TNRC6A: variants seen among roughly 807,000 people sequenced by gnomAD.
The protein encoded by TNRC6A is trinucleotide repeat-containing gene 6A protein.
A neutral mutation model predicts 221.2 loss-of-function variants in TNRC6A; 44 were observed. That is an observed-to-expected ratio of 0.20 (90% CI 0.16 to 0.26). TNRC6A has a LOEUF of 0.26. TNRC6A is among the 10% of genes least tolerant of loss of function. The pLI is 1.00. For missense variants in TNRC6A, 2,199 were observed against 2,404.4 expected (o/e 0.91, Z 1.79); for synonymous variants, 847 against 838.5 (o/e 1.01, Z -0.18).
At chr16:24,616,525 G>T (rs1900359802) in intron 1 of TNRC6A, among the ~76,000 whole-genome samples, 1 of 151,988 alleles carries the variant, frequency 6.6e-6, no homozygotes. Flanking sequence ...TTTCTATCTT[G>T]ACAACAGTCA....
chr16:24,643,157 T>A (rs1337081597), intron 2 of TNRC6A, among the ~76,000 whole-genome samples: 1 of 144,432 alleles, frequency 6.9e-6, no homozygotes, highest in East Asian at 2.0e-4. Context: ...ATCCCATTCA[T>A]GGGAACCCCA....
At chr16:24,735,471 A>G (rs889759539) in intron 2 of TNRC6A, among the ~76,000 whole-genome samples, 16 of 152,210 alleles carry the variant, frequency 1.1e-4, no homozygotes, top group African/African-American at 2.7e-4. Flanking sequence ...GCATATTGCT[A>G]TAGGTTGGTG....
Position 24,806,292 on chromosome 16 carries a change from C to T in TNRC6A, c.4329+9C>T, listed in dbSNP as rs376405412. On this transcript the variant is annotated intron_variant, in intron 16 of 24. Transcript: ENST00000395799. ...CGCAGCAAGACCAGCAGGTAGAGCC[C>T]GCCCTGCAACTCGCAATGCTGTCTT... 16 of 1,613,796 alleles carry T rather than the reference C, an allele frequency of 9.9e-6. No individual in the cohort carries two copies. The highest frequency in any genetic ancestry group is 4.4e-5 in the South Asian group (4 of 91,072).
chr16:24,731,141 C>A (rs2056630312), intron 2 of TNRC6A, among the ~76,000 whole-genome samples: 1 of 152,004 alleles, frequency 6.6e-6, no homozygotes, highest in Non-Finnish European at 1.5e-5. Context: ...TCTTTTGCAT[C>A]ATATTGGGAC....
In TNRC6A at chr16:24,823,672, C is replaced by T; in HGVS notation, c.5754C>T (p.Leu1918=). 4 of 1,611,228 alleles carry T rather than the reference C, an allele frequency of 2.5e-6. No individual in the cohort carries two copies. Among genetic ancestry groups the T allele is most frequent in the East Asian group, 4.5e-5 (2 of 44,758 alleles). The change falls in exon 25 of 25, where the codon CTC becomes CTT. Residue 1918 remains leucine (L), a synonymous_variant. Coordinates refer to ENST00000395799, the MANE Select transcript of TNRC6A (RefSeq NM_014494.4). This position sits in a 1 kb window ranked among gnomAD's most constrained non-coding sequence, Gnocchi z 4.3. ...TNCGDLHGTS[L]WGTPHYSTSL... ...GTGGAGACCTTCACGGCACTTCACTCTGGGGGACCCCGCATTATTCCACAA... is the reference window on the plus strand; with the variant it reads ...GTGGAGACCTTCACGGCACTTCACTTTGGGGGACCCCGCATTATTCCACAA...
At chr16:24,686,442 G>A in intron 2 of TNRC6A, among the ~76,000 whole-genome samples, 1 of 151,962 alleles carries the variant, frequency 6.6e-6, no homozygotes, top group East Asian at 1.9e-4. Flanking sequence ...GTTTCTTCTT[G>A]AGGCTGCAGA....
At chr16:24,813,932 C>A (rs1414044527) in intron 18 of TNRC6A, among the ~76,000 whole-genome samples, 1 of 152,172 alleles carries the variant, frequency 6.6e-6, no homozygotes, top group Non-Finnish European at 1.5e-5. Context: ...TGAAATGTGG[C>A]AGTTATGCTT....
intron 2 of TNRC6A, among the ~76,000 whole-genome samples, chr16:24,716,897 C>A (rs1409169236): frequency 7.4e-6 from 1 of 135,180 alleles, no homozygotes; most frequent in Non-Finnish European, 1.5e-5. Context: ...GCAGAGGTTG[C>A]GGTGAGCCAA....
chr16:24,686,141 G>T (rs965741946), intron 2 of TNRC6A, among the ~76,000 whole-genome samples: 2 of 152,140 alleles, frequency 1.3e-5, no homozygotes, highest in Non-Finnish European at 2.9e-5. Context: ...GTCTGGAAGG[G>T]CCTCTCCGGT....
intron 2 of TNRC6A, among the ~76,000 whole-genome samples, chr16:24,742,825 G>T (rs751824891): frequency 1.3e-5 from 2 of 152,110 alleles, no homozygotes; most frequent in African/African-American, 2.4e-5. Flanking sequence ...CAGGAGTATT[G>T]TACAAGTAGG....
At chr16:24,672,408 G>C (rs1053342081) in intron 2 of TNRC6A, among the ~76,000 whole-genome samples, 2 of 151,652 alleles carry the variant, frequency 1.3e-5, no homozygotes, top group African/African-American at 4.8e-5. Context: ...GATTACAGGC[G>C]TGAGCCACCG....
intron 2 of TNRC6A, among the ~76,000 whole-genome samples, chr16:24,714,648 A>G (rs948725278): frequency 3.9e-5 from 6 of 152,054 alleles, no homozygotes; most frequent in African/African-American, 1.2e-4. Context: ...CTTCTCAGAC[A>G]TTGTAGTTTT....
At position 24,824,468 on chromosome 16, in the gene TNRC6A, T is replaced by G. The variant is rs2058834284; in HGVS notation, c.*661T>G. 6.6e-6 allele frequency: 1 copy of G among 152,624 alleles called. No individual in the cohort carries two copies. Among genetic ancestry groups the G allele is most frequent in the Non-Finnish European group, 1.5e-5 (1 of 68,028 alleles). The allele number at this position is 152,624 out of a possible 1,614,324, so 9.5% of individuals were successfully genotyped here. A position where few individuals can be genotyped will look rare whatever the true frequency, so the allele number is the denominator to read the frequency against. Reference sequence around the variant, plus strand: ...AAAAACTGTGGCCACAGCTGTGACTTGCAGCCCACCTGCCACCCAGGACGG... The same window carrying G: ...AAAAACTGTGGCCACAGCTGTGACTGGCAGCCCACCTGCCACCCAGGACGG... On this transcript the variant is annotated 3_prime_UTR_variant, in exon 25 of 25. Transcript: ENST00000395799.
intron 2 of TNRC6A, among the ~76,000 whole-genome samples, chr16:24,645,796 G>A (rs938692236): frequency 4.9e-5 from 6 of 121,434 alleles, no homozygotes; most frequent in South Asian, 2.7e-4. Flanking sequence ...TCAGGAGTTC[G>A]AGACCAACCT....
chr16:24,677,462 C>T (rs2055443217), intron 2 of TNRC6A, among the ~76,000 whole-genome samples: 1 of 152,136 alleles, frequency 6.6e-6, no homozygotes, highest in Admixed American at 6.6e-5. Flanking sequence ...AGTGCCCGGC[C>T]CCATGTTCAT....
intron 2 of TNRC6A, among the ~76,000 whole-genome samples, chr16:24,749,091 A>G (rs1237022282): frequency 6.6e-6 from 1 of 151,864 alleles, no homozygotes; most frequent in Non-Finnish European, 1.5e-5. Flanking sequence ...AGAGTTAGGT[A>G]TTTTCATTTT....
chr16:24,615,082 ATTT>A (rs1316759691), intron 1 of TNRC6A, among the ~76,000 whole-genome samples: 8 of 152,276 alleles, frequency 5.3e-5, no homozygotes, highest in African/African-American at 1.9e-4. Context: ...TAAATAAGTA[ATTT>A]TTAAAATAAA....
intron 2 of TNRC6A, among the ~76,000 whole-genome samples, chr16:24,677,874 G>A (rs377516888): frequency 1.2e-3 from 174 of 150,148 alleles, no homozygotes; most frequent in African/African-American, 3.9e-3. Flanking sequence ...TCCATTGCCC[G>A]CGTGGTTGCT....
chr16:24,613,597 G>A (rs890885594), intron 1 of TNRC6A, among the ~76,000 whole-genome samples: 2 of 151,344 alleles, frequency 1.3e-5, no homozygotes, highest in East Asian at 1.9e-4. Context: ...GTTCGATCTC[G>A]GGTCACTGCA....
Sources: allele counts gnomAD v4.1 joint callset (sites outside exome capture counted in the v4.1 genomes callset), GRCh38; gene constraint gnomAD v4.1.1; non-coding constraint Gnocchi (gnomAD v3.1); transcripts MANE v1.5; gene names NCBI Gene and HGNC (gene_info 2026-07-23, HGNC 2026-07-21).